SPATS1: variants seen among roughly 807,000 people sequenced by gnomAD.
SPATS1 encodes the protein spermatogenesis-associated serine-rich protein 1.
In SPATS1, 23 loss-of-function variants were observed where a neutral mutation model predicts 33.6. That is an observed-to-expected ratio of 0.68 (90% CI 0.49 to 0.97). The LOEUF (loss-of-function observed/expected upper bound fraction) is 0.97. SPATS1 is among the 50% of genes least tolerant of loss of function. SPATS1 has a pLI of 0.00. For synonymous variants in SPATS1, 131 were observed against 125.6 expected (o/e 1.04, Z -0.29); for missense variants, 327 against 361.0 (o/e 0.91, Z 0.76).
At chr6:44,360,867 T>G (rs1386144994) in intron 4 of SPATS1, among the ~76,000 whole-genome samples, 1 of 152,196 alleles carries the variant, frequency 6.6e-6, no homozygotes, top group African/African-American at 2.4e-5. Flanking sequence ...CCCATAGCTG[T>G]GAAGAGTCGA....
chr6:44,352,298 T>A (rs865966379), intron 2 of SPATS1, among the ~76,000 whole-genome samples: 8 of 151,976 alleles, frequency 5.3e-5, no homozygotes, highest in Middle Eastern at 3.2e-3. Context: ...GACCAGCTAG[T>A]TTTTGTTTTT....
At chr6:44,362,385 A>G (rs747721503) in intron 5 of SPATS1, among the ~76,000 whole-genome samples, 1 of 152,210 alleles carries the variant, frequency 6.6e-6, no homozygotes, top group Non-Finnish European at 1.5e-5. Flanking sequence ...ACATCCCATA[A>G]ACCTCAGCCT....
chr6:44,352,904 G>T (rs777166213), intron 3 of SPATS1, 31 bp downstream of exon 3: 35 of 1,605,032 alleles, frequency 2.2e-5, no homozygotes, highest in Non-Finnish European at 2.9e-5. Flanking sequence ...GAGCTGTCAC[G>T]GTTGGGGAGA....
intron 2 of SPATS1, among the ~76,000 whole-genome samples, chr6:44,351,857 A>T (rs1430578604): frequency 6.6e-6 from 1 of 152,218 alleles, no homozygotes; most frequent in Non-Finnish European, 1.5e-5. Flanking sequence ...ATGAATAAGA[A>T]CTGTGAGGGG....
At chr6:44,355,495 T>A (rs1352083624) in intron 3 of SPATS1, among the ~76,000 whole-genome samples, 1 of 152,192 alleles carries the variant, frequency 6.6e-6, no homozygotes, top group African/African-American at 2.4e-5. Flanking sequence ...GAACATGGTT[T>A]TCAATGACTG....
At chr6:44,354,896 C>T (rs182370329) in intron 3 of SPATS1, among the ~76,000 whole-genome samples, 227 of 152,296 alleles carry the variant, frequency 1.5e-3, no homozygotes, top group Non-Finnish European at 2.4e-3. Context: ...CTCACTGCAG[C>T]CCTGACCTCC....
At chr6:44,372,739 C>A (rs1239035094) in intron 7 of SPATS1, among the ~76,000 whole-genome samples, 1 of 152,204 alleles carries the variant, frequency 6.6e-6, no homozygotes, top group Non-Finnish European at 1.5e-5. Context: ...GGATTACAGG[C>A]GTGAGCCACC....
intron 2 of SPATS1, among the ~76,000 whole-genome samples, chr6:44,347,231 G>T (rs1450382340): frequency 1.3e-5 from 2 of 152,152 alleles, no homozygotes; most frequent in African/African-American, 4.8e-5. Context: ...TCGTGGGGTT[G>T]GGGGAGGGGA....
At position 44,360,453 on chromosome 6, in the gene SPATS1, G is replaced by A. The variant is rs747348091; in HGVS notation, c.295G>A (p.Ala99Thr). The change falls in exon 4 of 9, where the codon GCT becomes ACT. Residue 99 changes from alanine to threonine, a missense_variant. Transcript: ENST00000674044. ...PRVSAYVDTT[A>T]DLDRKLSFSH... is the part of the protein sequence containing the mutation. Reference sequence around the variant, plus strand: ...CTTCTGCTTTCTTTCCAGCACCACTGCTGACTTGGATCGGAAACTCTCCTT... The same window carrying A: ...CTTCTGCTTTCTTTCCAGCACCACTACTGACTTGGATCGGAAACTCTCCTT... 1.2e-6 allele frequency: 2 copies of A among 1,613,972 alleles called. No homozygotes were observed. Among genetic ancestry groups the A allele is most frequent in the East Asian group, 2.2e-5 (1 of 44,902 alleles).
intron 7 of SPATS1, among the ~76,000 whole-genome samples, chr6:44,370,780 T>C (rs1008345784): frequency 1.3e-5 from 2 of 152,182 alleles, no homozygotes; most frequent in Non-Finnish European, 2.9e-5. Context: ...TTGTTACTTA[T>C]GGCACACGAT....
intron 3 of SPATS1, among the ~76,000 whole-genome samples, chr6:44,355,295 T>C (rs1788517793): frequency 6.6e-6 from 1 of 152,154 alleles, no homozygotes; most frequent in African/African-American, 2.4e-5. Flanking sequence ...CTCAATAATA[T>C]GCATTTAAGT....
rs1414335577 is a variant in SPATS1, at chr6:44,343,086, A to G, written c.1-10A>G. ...GTTGCTTCTAATATTTAAAATCATC[A>G]TGGGCACAGATGAGTCCATCCATGC... On this transcript the variant is annotated splice_polypyrimidine_tract_variant and intron_variant, in intron 1 of 8. Transcript: ENST00000674044. The G allele has an allele frequency of 6.2e-7, 1 of 1,613,594 alleles. No homozygotes were observed. Among genetic ancestry groups the G allele is most frequent in the African/African-American group, 1.3e-5 (1 of 74,890 alleles).
Position 44,358,662 on chromosome 6 carries a change from A to T in SPATS1, c.288-1784A>T, listed in dbSNP as rs181343836. ...CTATCACCACAATCAATTTTAGAAC[A>T]TTTTCATCACCACAAAAAGAAATCC... On this transcript the variant is annotated intron_variant, in intron 3 of 8. Coordinates refer to ENST00000674044, the MANE Select transcript of SPATS1 (RefSeq NM_001372081.1). Among the ~76,000 whole-genome samples the T allele has an allele frequency of 5.5e-4, 83 of 152,222 alleles. No homozygotes were observed. In the East Asian group the frequency reaches 0.012, roughly 22 times the overall value.
intron 7 of SPATS1, among the ~76,000 whole-genome samples, chr6:44,373,476 T>C (rs1238582876): frequency 6.6e-6 from 1 of 152,228 alleles, no homozygotes; most frequent in Non-Finnish European, 1.5e-5. Context: ...TGAATAGAAA[T>C]GTTATTATCT....
intron 3 of SPATS1, among the ~76,000 whole-genome samples, chr6:44,353,930 G>A (rs1380000151): frequency 1.3e-5 from 2 of 151,768 alleles, no homozygotes; most frequent in Admixed American, 1.3e-4. Context: ...CCAGCTATTC[G>A]GGAGGCTGAG....
intron 2 of SPATS1, among the ~76,000 whole-genome samples, chr6:44,346,042 C>T (rs1351662668): frequency 3.3e-5 from 5 of 152,120 alleles, no homozygotes; most frequent in Admixed American, 6.6e-5. Flanking sequence ...AATCCCAGCA[C>T]TTTTGAGGTG....
intron 3 of SPATS1, among the ~76,000 whole-genome samples, chr6:44,359,703 G>C (rs1383819192): frequency 6.6e-6 from 1 of 152,056 alleles, no homozygotes; most frequent in Non-Finnish European, 1.5e-5. Context: ...CTGAGTAGCT[G>C]GGATTACAGG....
rs1396086428 is a variant in SPATS1 at position 44,376,338 on chromosome 6, G to A, written c.759-20G>A. 2 of 1,549,474 alleles carry A rather than the reference G, an allele frequency of 1.3e-6. No homozygotes were observed. Among genetic ancestry groups the A allele is most frequent in the South Asian group, 1.1e-5 (1 of 87,948 alleles). The stretch of plus-strand genomic sequence containing the variant: ...ATTTTGCATCAAACTACAACTCAGG[G>A]TGTTGTCTTCTTCCCACAGCTTGCC... On this transcript the variant is annotated intron_variant, in intron 7 of 8. Transcript: ENST00000674044.
chr6:44,344,416 T>TGTGTGC (rs1787751899), intron 2 of SPATS1, among the ~76,000 whole-genome samples: 1 of 151,578 alleles, frequency 6.6e-6, no homozygotes, highest in African/African-American at 2.4e-5. Flanking sequence ...TGTGTGTGTG[T>TGTGTGC]GTGTGTGCAT....
Sources: gnomAD v4.1 joint callset for allele counts (sites outside exome capture counted in the v4.1 genomes callset) on GRCh38, gnomAD v4.1.1 for gene constraint, MANE v1.5 for transcripts, NCBI Gene and HGNC (gene_info 2026-07-23, HGNC 2026-07-21) for gene names.